Variants in GSE1 observed in about 807,000 individuals in gnomAD.
The protein encoded by GSE1 is Gse1 coiled-coil protein.
Under a neutral mutation model 112.6 loss-of-function variants are expected in GSE1, and 32 were observed. The ratio of observed to expected loss-of-function variants is 0.28; its 90% CI spans 0.21 to 0.38. The LOEUF is 0.38. Ranked by LOEUF, GSE1 falls within the 10% of genes least tolerant of loss-of-function variation. The pLI is 1.00. For missense variants in GSE1, 2,348 were observed against 1,699.2 expected, an observed-to-expected ratio of 1.38 and a Z score of -6.71; for synonymous variants, 1,115 against 735.6, an observed-to-expected ratio of 1.52 and a Z score of -8.35.
At chr16:85,263,862 C>A (rs957273589) in intron 1 of GSE1, among the ~76,000 whole-genome samples, 7 of 152,162 alleles carry the variant, frequency 4.6e-5, no homozygotes, top group Non-Finnish European at 1.0e-4. Context: ...CATAAGCTGC[C>A]ACGCCTGGCC....
intron 1 of GSE1, among the ~76,000 whole-genome samples, chr16:85,340,655 A>G (rs1260051223): frequency 6.6e-6 from 1 of 152,188 alleles, no homozygotes; most frequent in Admixed American, 6.5e-5. Context: ...ACAAACAAAG[A>G]AAAAACATCT....
At chr16:85,513,844 C>T (rs2051828461) in intron 2 of GSE1, among the ~76,000 whole-genome samples, 2 of 152,192 alleles carry the variant, frequency 1.3e-5, no homozygotes, top group East Asian at 1.9e-4. Context: ...ACATCAGAAT[C>T]CCCCCGGGGC....
intron 1 of GSE1, among the ~76,000 whole-genome samples, chr16:85,235,428 C>CTCTGTG (rs775585078): frequency 0.046 from 5,791 of 126,346 alleles, 275 homozygotes; most frequent in Admixed American, 0.14. Flanking sequence ...TGGAAGGGTA[C>CTCTGTG]TGTGTGTGTG....
chr16:85,527,509 C>T (rs1365384802), intron 2 of GSE1, among the ~76,000 whole-genome samples: 3 of 152,262 alleles, frequency 2.0e-5, no homozygotes, highest in Admixed American at 6.5e-5. Flanking sequence ...CCCTGCTGCA[C>T]GGGCATTGCC....
chr16:85,665,266 G>A (rs968252313), intron 12 of GSE1, 138 bp downstream of exon 12: 21 of 614,288 alleles, frequency 3.4e-5, no homozygotes, highest in South Asian at 1.2e-4. Context: ...TTGTACCAGC[G>A]TACGATTCTT....
At chr16:85,587,610 C>T (rs1010829676) in intron 1 of GSE1, among the ~76,000 whole-genome samples, 6 of 152,134 alleles carry the variant, frequency 3.9e-5, no homozygotes, top group African/African-American at 1.4e-4. Context: ...CCCAGGCCCC[C>T]TGTTGGTTTT....
At chr16:85,220,971 C>T (rs1038468968) in intron 1 of GSE1, among the ~76,000 whole-genome samples, 4 of 150,806 alleles carry the variant, frequency 2.7e-5, no homozygotes, top group African/African-American at 9.8e-5. Flanking sequence ...CCCTCTCCCC[C>T]TCCCTGGCCC....
At chr16:85,502,235 G>A (rs1397189059) in intron 2 of GSE1, among the ~76,000 whole-genome samples, 1 of 152,196 alleles carries the variant, frequency 6.6e-6, no homozygotes, top group Non-Finnish European at 1.5e-5. Flanking sequence ...GTGACACCTC[G>A]TGCGTGAGGT....
At chr16:85,358,824 G>T (rs1399253612) in intron 2 of GSE1, among the ~76,000 whole-genome samples, 1 of 152,204 alleles carries the variant, frequency 6.6e-6, no homozygotes, top group African/African-American at 2.4e-5. Flanking sequence ...CTTGTCTGAG[G>T]ACCTGCTCTG....
chr16:85,526,504 G>A (rs1287743917), intron 2 of GSE1, among the ~76,000 whole-genome samples: 1 of 152,256 alleles, frequency 6.6e-6, no homozygotes, highest in Non-Finnish European at 1.5e-5. Flanking sequence ...GGAGAGAGGT[G>A]GATCTTCAAA....
chr16:85,667,439 C>T (rs552990635), intron 13 of GSE1, among the ~76,000 whole-genome samples: 2 of 152,358 alleles, frequency 1.3e-5, no homozygotes, highest in African/African-American at 2.4e-5. Context: ...CCTCTTGAAA[C>T]GGGGCACAAT....
rs536958959 is a variant in GSE1 at position 85,419,384 on chromosome 16, G to A, written c.2464+61741G>A. Among the ~76,000 whole-genome samples the A allele has an allele frequency of 1.3e-5, 2 of 152,070 alleles. No homozygotes were observed. The highest frequency in any genetic ancestry group is 6.6e-5 in the Admixed American group (1 of 15,260). On this transcript the variant is annotated intron_variant, in intron 2 of 2. Coordinates refer to the GSE1 transcript ENST00000637419. This position sits in a 1 kb window ranked among gnomAD's most constrained non-coding sequence, Gnocchi z 6.5. ...TCCCAGCACTTTGGGAGGCTGAGATGGGAGGACTGCTTGAGCCCAGGAGTT... is the reference window on the plus strand; with the variant it reads ...TCCCAGCACTTTGGGAGGCTGAGATAGGAGGACTGCTTGAGCCCAGGAGTT...
At chr16:85,600,938 G>A (rs966554008) in intron 1 of GSE1, among the ~76,000 whole-genome samples, 2 of 152,120 alleles carry the variant, frequency 1.3e-5, no homozygotes, top group African/African-American at 2.4e-5. Context: ...CTCAGTGAGC[G>A]CCTGGAAGAA....
chr16:85,463,927 C>T (rs2050051848), intron 2 of GSE1, among the ~76,000 whole-genome samples: 1 of 152,176 alleles, frequency 6.6e-6, no homozygotes, highest in African/African-American at 2.4e-5. Context: ...CCATGAACAG[C>T]AACTCAGGCT....
rs1037507353 is a variant in GSE1 at position 85,654,353 on chromosome 16, G to C, written c.502G>C (p.Gly168Arg). 1.1e-5 allele frequency: 17 copies of C among 1,611,966 alleles called. No homozygotes were observed. Among genetic ancestry groups the C allele is most frequent in the Non-Finnish European group, 1.3e-5 (15 of 1,179,554 alleles). ...VEPPLPQEKA[G>R]GPAIPSHLLS... ...GCCCCCGCTCCCTCAGGAGAAGGCA[G>C]GGGGACCAGCCATCCCCTCGCACCT... The change falls in exon 4 of 16, where the codon GGG (glycine) becomes CGG (arginine). Residue 168 changes from glycine to arginine, a missense_variant. Coordinates refer to ENST00000253458, the MANE Select transcript of GSE1 (RefSeq NM_014615.5).
intron 1 of GSE1, among the ~76,000 whole-genome samples, chr16:85,284,477 G>A (rs1372543088): frequency 6.6e-6 from 1 of 152,144 alleles, no homozygotes; most frequent in Non-Finnish European, 1.5e-5. Flanking sequence ...AGCTCCAAGC[G>A]GCACAAACTC....
At chr16:85,649,622 T>C (rs1343718868) in intron 3 of GSE1, among the ~76,000 whole-genome samples, 1 of 147,726 alleles carries the variant, frequency 6.8e-6, no homozygotes, top group African/African-American at 2.5e-5. Flanking sequence ...GGTGGGTACC[T>C]GCAGCTCTCC....
At chr16:85,465,284 C>G (rs733021) in intron 2 of GSE1, among the ~76,000 whole-genome samples, 78,657 of 152,130 alleles carry the variant, frequency 0.52, 21,838 homozygotes, top group Non-Finnish European at 0.63. Flanking sequence ...GAATCTCATG[C>G]TGCTTCTGTG....
chr16:85,653,815 C>T (rs1433345752), intron 3 of GSE1, among the ~76,000 whole-genome samples: 1 of 152,180 alleles, frequency 6.6e-6, no homozygotes, highest in East Asian at 1.9e-4. Flanking sequence ...GCCAGGTGGG[C>T]AGCTGTCGGC....
Sources: gnomAD v4.1 joint callset for allele counts (sites outside exome capture counted in the v4.1 genomes callset) on GRCh38, gnomAD v4.1.1 for gene constraint, Gnocchi (gnomAD v3.1) non-coding constraint, MANE v1.5 for transcripts, NCBI Gene and HGNC (gene_info 2026-07-23, HGNC 2026-07-21) for gene names.